Variants in SUGP2 observed in about 807,000 individuals in gnomAD.
The protein encoded by SUGP2 is SURP and G-patch domain containing 2, also known as SURP and G-patch domain-containing protein 2.
In SUGP2, 24 loss-of-function variants were observed where a neutral mutation model predicts 90.5. The observed-to-expected ratio is 0.27, with a 90% CI of 0.19 to 0.37. SUGP2 has a LOEUF of 0.37. SUGP2 is among the 10% of genes least tolerant of loss of function. SUGP2 has a pLI of 1.00. For missense variants in SUGP2, 1,233 were observed against 1,363.3 expected (o/e 0.90, Z 1.51); for synonymous variants, 473 against 513.4 (o/e 0.92, Z 1.06).
chr19:19,013,224 C>T (rs1238607421), intron 4 of SUGP2, among the ~76,000 whole-genome samples: 1 of 152,206 alleles, frequency 6.6e-6, no homozygotes, highest in Non-Finnish European at 1.5e-5. Context: ...CTATGTAGTG[C>T]AGGCACCAAG....
intron 4 of SUGP2, among the ~76,000 whole-genome samples, chr19:19,016,350 A>G (rs914915919): frequency 6.6e-6 from 1 of 151,666 alleles, no homozygotes; most frequent in Non-Finnish European, 1.5e-5. Flanking sequence ...CCCTATCCAA[A>G]CATACCCCTG....
At chr19:19,014,954 C>T (rs1487521811) in intron 4 of SUGP2, among the ~76,000 whole-genome samples, 7 of 152,110 alleles carry the variant, frequency 4.6e-5, no homozygotes, top group South Asian at 2.1e-4. Flanking sequence ...GTAATTCCAG[C>T]GCTTTGGGAG....
intron 3 of SUGP2, among the ~76,000 whole-genome samples, chr19:19,021,862 G>A (rs140111589): frequency 1.4e-4 from 22 of 152,086 alleles, no homozygotes; most frequent in African/African-American, 2.7e-4. Context: ...GACAGGTTTC[G>A]TCATGTTGGC....
chr19:19,023,324 G>C (rs1170884754), intron 3 of SUGP2, among the ~76,000 whole-genome samples: 1 of 151,980 alleles, frequency 6.6e-6, no homozygotes, highest in Non-Finnish European at 1.5e-5. Flanking sequence ...CTGTTTTTTT[G>C]TTTTGGTTTA....
intron 6 of SUGP2, among the ~76,000 whole-genome samples, chr19:19,005,914 CAT>C (rs2058061995): frequency 7.7e-6 from 1 of 130,348 alleles, no homozygotes; most frequent in South Asian, 2.5e-4. Flanking sequence ...ACCACACACA[CAT>C]ACAACTAAAT....
intron 1 of SUGP2, among the ~76,000 whole-genome samples, chr19:19,031,470 G>A (rs911481070): frequency 6.6e-4 from 100 of 151,590 alleles, no homozygotes; most frequent in African/African-American, 2.4e-3. Flanking sequence ...GGAGGCGGAG[G>A]TTGCAGTGGG....
chr19:18,994,081 G>A (rs909000837), intron 10 of SUGP2: 9 of 298,918 alleles, frequency 3.0e-5, no homozygotes, highest in Non-Finnish European at 5.7e-5. Context: ...CATCCACGGA[G>A]GCTGGCCTGG....
In SUGP2 at chr19:19,009,918, T is replaced by G. The variant is rs1409246065; in HGVS notation, c.2275A>C (p.Lys759Gln). 2 of 1,613,918 alleles carry G rather than the reference T, an allele frequency of 1.2e-6. No individual in the cohort carries two copies. The highest frequency in any genetic ancestry group is 2.2e-5 in the East Asian group (1 of 44,888). ...PSLEASGPSP[K>Q]PAGVDISEAP... ...TCAGAGATGTCCACTCCTGCTGGCTTGGGGGATGGGCCTGAGGCTTCTAAG... is the reference window on the plus strand; with the variant it reads ...TCAGAGATGTCCACTCCTGCTGGCTGGGGGGATGGGCCTGAGGCTTCTAAG... The change falls in exon 5 of 11, where the codon AAG (lysine) becomes CAG (glutamine). Residue 759 changes from lysine to glutamine, a missense_variant. By Grantham distance (53) the Lys-to-Gln change is moderately conservative. Transcript: ENST00000452918.
intron 8 of SUGP2, among the ~76,000 whole-genome samples, chr19:19,000,211 G>T (rs542522073): frequency 1.8e-4 from 28 of 152,218 alleles, no homozygotes; most frequent in Admixed American, 9.2e-4. Flanking sequence ...CCTCTCTACC[G>T]AGGCTGTGCC....
chr19:19,009,409 C>T (rs561047124), intron 5 of SUGP2, among the ~76,000 whole-genome samples: 3 of 152,088 alleles, frequency 2.0e-5, no homozygotes, highest in Non-Finnish European at 2.9e-5. Flanking sequence ...TGAAGTTAGT[C>T]GATTCGGAGG....
chr19:19,033,398 G>GC, intron 1 of SUGP2, 39 bp downstream of exon 1: 1 of 1,275,036 alleles, frequency 7.8e-7, no homozygotes, highest in South Asian at 1.9e-5. Flanking sequence ...TTCCCACCCC[G>GC]GGAGCCACCC....
intron 6 of SUGP2, among the ~76,000 whole-genome samples, chr19:19,006,385 C>T (rs1014888364): frequency 2.0e-5 from 3 of 152,022 alleles, no homozygotes; most frequent in Non-Finnish European, 2.9e-5. Flanking sequence ...GGCTGGATAG[C>T]GTCCAACACC....
At position 19,004,266 on chromosome 19, in the gene SUGP2, G is replaced by A. The variant is rs138968667; in HGVS notation, c.2831C>T (p.Ser944Leu). 6.2e-7 allele frequency: 1 copy of A among 1,613,618 alleles called. No individual in the cohort carries two copies. Among genetic ancestry groups the A allele is most frequent in the Non-Finnish European group, 8.5e-7 (1 of 1,179,714 alleles). The change falls in exon 7 of 11, where the codon TCA (serine) becomes TTA (leucine). Residue 944 changes from serine (S) to leucine (L), a missense_variant. Physicochemically the swap from Ser to Leu is moderately radical, Grantham distance 145 (BLOSUM62 -2). Around this residue, in one of 8 missense-constraint regions of SUGP2, gnomAD observed 105 missense variants for 155.2 expected, o/e 0.68. Coordinates refer to ENST00000452918, the MANE Select transcript of SUGP2 (RefSeq NM_001017392.5). ...AGAPALSQAS[S>L]GTCFPRKRIS... ...CCTCTTCCGAGGGAAGCAGGTACCTGAGGAGGCCTGTGACAAGGCAGGTGC... is the reference window on the plus strand; with the variant it reads ...CCTCTTCCGAGGGAAGCAGGTACCTAAGGAGGCCTGTGACAAGGCAGGTGC...
chr19:19,032,392 C>A (rs1450948310), intron 1 of SUGP2, among the ~76,000 whole-genome samples: 1 of 152,146 alleles, frequency 6.6e-6, no homozygotes, highest in African/African-American at 2.4e-5. Context: ...TTCCTGACCT[C>A]AAGTGATTCG....
rs2057361682 is a variant in SUGP2, at chr19:18,991,543, A to G, written c.*2198T>C. The G allele has an allele frequency of 6.6e-6, 1 of 152,250 alleles. No individual in the cohort carries two copies. Among genetic ancestry groups the G allele is most frequent in the African/African-American group, 2.4e-5 (1 of 41,456 alleles). 9.4% of individuals were successfully genotyped at this position (152,250 alleles called of 1,614,324 possible). A position where few individuals can be genotyped will look rare whatever the true frequency, so the allele number is the denominator to read the frequency against. On this transcript the variant is annotated 3_prime_UTR_variant, in exon 11 of 11. Coordinates refer to ENST00000452918, the MANE Select transcript of SUGP2 (RefSeq NM_001017392.5). ...CAGTGGCCACACGCCACAGATTCCT[A>G]AAGCATTTAACTTTTTAATAAAATG... is the stretch of plus-strand genomic sequence containing the variant.
rs1182368984 is a variant in SUGP2 at position 18,993,360 on chromosome 19, A to G, written c.*381T>C. The G allele has an allele frequency of 6.6e-6, 1 of 152,192 alleles. No individual in the cohort carries two copies. Among genetic ancestry groups the G allele is most frequent in the African/African-American group, 2.4e-5 (1 of 41,444 alleles). The allele number at this position is 152,192 out of a possible 1,614,324, so 9.4% of individuals were successfully genotyped here. A position where few individuals can be genotyped will look rare whatever the true frequency, so the allele number is the denominator to read the frequency against. ...TCGTTTCCACATCACGTTTGCTAAC[A>G]GAGCACTTCTGGAGAGCAATGGCCA... On this transcript the variant is annotated 3_prime_UTR_variant, in exon 11 of 11. Transcript: ENST00000452918.
At chr19:19,017,244 T>C (rs1269804319) in intron 4 of SUGP2, among the ~76,000 whole-genome samples, 1 of 151,986 alleles carries the variant, frequency 6.6e-6, no homozygotes, top group Non-Finnish European at 1.5e-5. Context: ...AGTGAGAAAG[T>C]CAATTAGTAC....
intron 3 of SUGP2, 54 bp downstream of exon 3, chr19:19,024,565 A>T: frequency 6.5e-7 from 1 of 1,538,496 alleles, no homozygotes. Context: ...AATAAAAGAC[A>T]TTACCAAAGA....
intron 5 of SUGP2, 42 bp from the exon 6 acceptor site, chr19:19,008,470 G>T: frequency 6.7e-7 from 1 of 1,492,146 alleles, no homozygotes; most frequent in Non-Finnish European, 9.4e-7. Context: ...CTCCTGAGCT[G>T]CTGCTCCCCG....
Sources: gnomAD v4.1 joint callset for allele counts (sites outside exome capture counted in the v4.1 genomes callset) on GRCh38, gnomAD v4.1.1 for gene constraint, gnomAD v4.1.1 regional missense constraint, MANE v1.5 for transcripts, NCBI Gene and HGNC (gene_info 2026-07-23, HGNC 2026-07-21) for gene names.